The following PIGL variants were observed in gnomAD, a reference collection of about 807,000 sequenced individuals.
PIGL encodes the protein phosphatidylinositol glycan anchor biosynthesis class L.
Under a neutral mutation model 31.1 loss-of-function variants are expected in PIGL, and 22 were observed. The observed-to-expected ratio is 0.71, with a 90% CI of 0.51 to 1.01. PIGL has a LOEUF of 1.01. Ranked by LOEUF, PIGL falls within the 50% of genes least tolerant of loss-of-function variation. The pLI, the probability that PIGL is intolerant of heterozygous loss-of-function variation, is 0.00. For missense variants in PIGL, 302 were observed against 315.9 expected (o/e 0.96, Z 0.33); for synonymous variants, 131 against 117.4 (o/e 1.12, Z -0.75).
chr17:16,325,238 G>A (rs992133505), intron 6 of PIGL, among the ~76,000 whole-genome samples: 2 of 150,518 alleles, frequency 1.3e-5, no homozygotes, highest in Non-Finnish European at 2.9e-5. Flanking sequence ...CCAGCTACTC[G>A]GAAGGCTGAA....
intron 2 of PIGL, among the ~76,000 whole-genome samples, chr17:16,240,519 T>TATA (rs1241297649): frequency 6.6e-6 from 1 of 151,974 alleles, no homozygotes. Flanking sequence ...TTTCATTTTA[T>TATA]TTGAGACAGA....
chr17:16,280,198 C>T (rs1019315437), intron 2 of PIGL, among the ~76,000 whole-genome samples: 3 of 152,228 alleles, frequency 2.0e-5, no homozygotes, highest in Non-Finnish European at 4.4e-5. Context: ...TAGGCCTTAT[C>T]TGCTCCTGGG....
chr17:16,269,580 G>A (rs1035814227), intron 2 of PIGL, among the ~76,000 whole-genome samples: 3 of 151,624 alleles, frequency 2.0e-5, no homozygotes, highest in African/African-American at 7.3e-5. Context: ...AAATCCAGGA[G>A]GCTAGGGTTG....
chr17:16,316,098 G>C (rs12951442), intron 4 of PIGL, among the ~76,000 whole-genome samples: 22 of 152,232 alleles, frequency 1.4e-4, no homozygotes, highest in Admixed American at 1.1e-3. Context: ...GCTCCCAAGA[G>C]TCTCTGTTCA....
intron 3 of PIGL, among the ~76,000 whole-genome samples, chr17:16,304,009 C>T (rs921374541): frequency 8.5e-5 from 13 of 152,254 alleles, no homozygotes; most frequent in Non-Finnish European, 1.5e-4. Context: ...CCACTGCGCC[C>T]GGCCTACTAA....
chr17:16,227,013 C>T (rs537168936), intron 1 of PIGL, among the ~76,000 whole-genome samples: 1 of 152,198 alleles, frequency 6.6e-6, no homozygotes, highest in Non-Finnish European at 1.5e-5. Flanking sequence ...CTCACATGTT[C>T]AGGTATTCAT....
intron 2 of PIGL, among the ~76,000 whole-genome samples, chr17:16,275,614 G>A (rs1484904962): frequency 6.6e-6 from 1 of 152,088 alleles, no homozygotes; most frequent in Non-Finnish European, 1.5e-5. Flanking sequence ...AATCCTAAGG[G>A]CTGTAGAGGG....
At chr17:16,298,279 T>C (rs187704152) in intron 2 of PIGL, among the ~76,000 whole-genome samples, 4 of 152,276 alleles carry the variant, frequency 2.6e-5, no homozygotes, top group Admixed American at 1.3e-4. Flanking sequence ...TAATGACCTT[T>C]GTCCATAGGG....
intron 2 of PIGL, among the ~76,000 whole-genome samples, chr17:16,290,525 T>A (rs2092956121): frequency 6.6e-6 from 1 of 150,406 alleles, no homozygotes; most frequent in Admixed American, 6.6e-5. Flanking sequence ...TCCCAAGTAG[T>A]TAGGACTACA....
chr17:16,251,979 A>G (rs1036826488), intron 2 of PIGL, among the ~76,000 whole-genome samples: 2 of 152,014 alleles, frequency 1.3e-5, no homozygotes, highest in African/African-American at 4.8e-5. Context: ...GCTTCTTAAC[A>G]TATTATGAAG....
chr17:16,307,748 C>T (rs1027229188), intron 3 of PIGL, among the ~76,000 whole-genome samples: 6 of 152,082 alleles, frequency 3.9e-5, no homozygotes, highest in African/African-American at 1.4e-4. Flanking sequence ...AGGAGGATCG[C>T]TTGACCCCAG....
At chr17:16,297,754 G>T (rs2092988663) in intron 2 of PIGL, among the ~76,000 whole-genome samples, 1 of 152,128 alleles carries the variant, frequency 6.6e-6, no homozygotes. Flanking sequence ...CTCACTGCAG[G>T]AGCACTATGA....
chr17:16,301,731 C>T (rs1030794379), intron 3 of PIGL, among the ~76,000 whole-genome samples: 65 of 151,920 alleles, frequency 4.3e-4, no homozygotes, highest in Non-Finnish European at 8.1e-4. Flanking sequence ...ACCACCACAC[C>T]CAGCTAATTT....
At chr17:16,263,929 C>T (rs1430222972) in intron 2 of PIGL, among the ~76,000 whole-genome samples, 1 of 148,446 alleles carries the variant, frequency 6.7e-6, no homozygotes, top group East Asian at 2.0e-4. Context: ...GCAACCTCTG[C>T]CTCCTGAGTT....
In PIGL at chr17:16,311,629, T is replaced by C. The variant is rs2093050928; in HGVS notation, c.427-1918T>C. On this transcript the variant is annotated intron_variant, in intron 3 of 6. Coordinates refer to ENST00000225609, the MANE Select transcript of PIGL (RefSeq NM_004278.4). ...CGGCCTTCCGCAGTGTTTGTGTCCC[T>C]GGGTACTTGAGATTAGGGAGTGGTG... Among the ~76,000 whole-genome samples, 4 of 148,764 alleles carry C rather than the reference T, an allele frequency of 2.7e-5. No individual in the cohort carries two copies. The South Asian group carries it at 8.7e-4, about 32-fold the overall frequency.
intron 1 of PIGL, among the ~76,000 whole-genome samples, chr17:16,229,777 G>C (rs1297186860): frequency 6.6e-6 from 1 of 151,110 alleles, no homozygotes; most frequent in African/African-American, 2.4e-5. Context: ...ATGCTTATTG[G>C]CCATCTATAT....
intron 2 of PIGL, among the ~76,000 whole-genome samples, chr17:16,253,044 C>T (rs898060085): frequency 2.6e-5 from 4 of 152,162 alleles, no homozygotes; most frequent in Admixed American, 2.6e-4. Flanking sequence ...ATAGAGAAAC[C>T]GCATTTCTAC....
At chr17:16,321,518 G>A (rs1473289179) in intron 6 of PIGL, among the ~76,000 whole-genome samples, 1 of 152,144 alleles carries the variant, frequency 6.6e-6, no homozygotes. Context: ...GGGATCACAG[G>A]CGTGAGCCAC....
At chr17:16,315,908 G>A (rs1177764327) in intron 4 of PIGL, among the ~76,000 whole-genome samples, 2 of 151,700 alleles carry the variant, frequency 1.3e-5, no homozygotes, top group Non-Finnish European at 2.9e-5. Flanking sequence ...ATATTGGCCA[G>A]GCTGGTGCCG....
Sources: allele counts gnomAD v4.1 joint callset (sites outside exome capture counted in the v4.1 genomes callset), GRCh38; gene constraint gnomAD v4.1.1; transcripts MANE v1.5; gene names NCBI Gene and HGNC (gene_info 2026-07-23, HGNC 2026-07-21).